UVRAG: variants seen among roughly 807,000 people sequenced by gnomAD.
The protein encoded by UVRAG is UV radiation resistance-associated gene protein.
A neutral mutation model predicts 78.0 loss-of-function variants in UVRAG; 19 were observed. The ratio of observed to expected loss-of-function variants is 0.24; its 90% CI spans 0.17 to 0.36. The LOEUF (loss-of-function observed/expected upper bound fraction) is 0.36. Ranked by LOEUF, UVRAG falls within the 10% of genes least tolerant of loss-of-function variation. The pLI is 1.00. For synonymous variants in UVRAG, 323 were observed against 324.6 expected, an observed-to-expected ratio of 1.00 and a Z score of 0.05; for missense variants, 740 against 853.8, an observed-to-expected ratio of 0.87 and a Z score of 1.66.
chr11:76,057,623 C>T (rs139203323), intron 12 of UVRAG, among the ~76,000 whole-genome samples: 50 of 152,190 alleles, frequency 3.3e-4, no homozygotes, highest in African/African-American at 1.1e-3. Flanking sequence ...TTCCATCTCA[C>T]GTGCCTATGG....
At chr11:75,824,720 CTGGAG>C (rs562164199) in intron 1 of UVRAG, among the ~76,000 whole-genome samples, 1,556 of 138,720 alleles carry the variant, frequency 0.011, 29 homozygotes, top group African/African-American at 0.041. Flanking sequence ...GTCGCCCAGG[CTGGAG>C]TGCAGTGGCA....
chr11:76,003,299 T>C (rs558902186), intron 8 of UVRAG, among the ~76,000 whole-genome samples: 17 of 127,444 alleles, frequency 1.3e-4, no homozygotes, highest in Middle Eastern at 4.1e-3. Context: ...GGAGACAGAG[T>C]CTCGTTCTCT....
At chr11:76,004,693 G>A (rs749260807) in intron 9 of UVRAG, among the ~76,000 whole-genome samples, 11 of 151,830 alleles carry the variant, frequency 7.2e-5, no homozygotes, top group Non-Finnish European at 1.5e-4. Context: ...TGGTGCAGTC[G>A]TAGCTCACTA....
intron 8 of UVRAG, among the ~76,000 whole-genome samples, chr11:75,996,003 A>T (rs1198736771): frequency 6.6e-6 from 1 of 152,044 alleles, no homozygotes; most frequent in Non-Finnish European, 1.5e-5. Context: ...ATTTTGGGGG[A>T]AGAGGTAGGT....
intron 13 of UVRAG, among the ~76,000 whole-genome samples, chr11:76,068,079 A>G (rs1019695766): frequency 2.6e-5 from 4 of 152,184 alleles, no homozygotes; most frequent in African/African-American, 9.7e-5. Flanking sequence ...CAATATGCAC[A>G]TGTGTACAGA....
chr11:75,963,980 G>C (rs1948963349), intron 7 of UVRAG, among the ~76,000 whole-genome samples: 1 of 152,068 alleles, frequency 6.6e-6, no homozygotes, highest in Non-Finnish European at 1.5e-5. Context: ...GATTTTGTCA[G>C]ATTCCTTTCC....
intron 1 of UVRAG, among the ~76,000 whole-genome samples, chr11:75,846,471 A>C (rs1946035852): frequency 6.6e-6 from 1 of 152,214 alleles, no homozygotes; most frequent in Admixed American, 6.5e-5. Context: ...TCACAAACCC[A>C]AGATCACCAA....
At chr11:75,989,844 G>C (rs1252555532) in intron 8 of UVRAG, among the ~76,000 whole-genome samples, 1 of 152,184 alleles carries the variant, frequency 6.6e-6, no homozygotes, top group East Asian at 1.9e-4. Context: ...CCTTCTCAGT[G>C]CCCAACACTG....
chr11:75,964,175 T>G (rs1447153997), intron 7 of UVRAG, among the ~76,000 whole-genome samples: 5 of 152,250 alleles, frequency 3.3e-5, no homozygotes, highest in Admixed American at 3.3e-4. Context: ...ATTGTGCATA[T>G]GTATTTATAA....
intron 1 of UVRAG, among the ~76,000 whole-genome samples, chr11:75,817,437 T>G (rs1945283473): frequency 6.6e-6 from 1 of 152,188 alleles, no homozygotes; most frequent in Admixed American, 6.5e-5. Context: ...TTTGGATTGG[T>G]GCCGAGGGAT....
At chr11:75,954,249 T>C (rs1948754716) in intron 6 of UVRAG, among the ~76,000 whole-genome samples, 1 of 152,178 alleles carries the variant, frequency 6.6e-6, no homozygotes, top group African/African-American at 2.4e-5. Flanking sequence ...TAAGGTAAGA[T>C]CAGAAAGCGT....
intron 1 of UVRAG, among the ~76,000 whole-genome samples, chr11:75,817,548 A>G (rs1446370205): frequency 6.6e-6 from 1 of 152,196 alleles, no homozygotes. Flanking sequence ...AAGGCAGCCT[A>G]TATAACAAAG....
At chr11:75,835,421 A>G (rs1945755221) in intron 1 of UVRAG, 2 of 152,262 alleles carry the variant, frequency 1.3e-5, no homozygotes, top group Admixed American at 6.5e-5. Flanking sequence ...AGTGGGAAGA[A>G]CTCAAGTTAG....
rs547398920 is a variant in UVRAG at position 76,098,768 on chromosome 11, T to C, written c.1306-17156T>C. Among the ~76,000 whole-genome samples the C allele has an allele frequency of 6.6e-5, 10 of 152,286 alleles. 1 individual carries two copies. The East Asian group carries it at 1.9e-3, about 29-fold the overall frequency. On this transcript the variant is annotated intron_variant, in intron 13 of 14. Transcript: ENST00000356136. Reference sequence around the variant, plus strand: ...AATTTTAATACACCTAAAACAAATTTATGCTGATTTTTTTCGTACCCCCAA... The same window carrying C: ...AATTTTAATACACCTAAAACAAATTCATGCTGATTTTTTTCGTACCCCCAA...
At chr11:75,943,521 T>C (rs1948527347) in intron 6 of UVRAG, among the ~76,000 whole-genome samples, 1 of 152,176 alleles carries the variant, frequency 6.6e-6, no homozygotes. Context: ...AAATTTGGAA[T>C]GATTTAGCTT....
chr11:76,143,714 A>G lies in UVRAG; in HGVS notation c.*2301A>G, dbSNP rs1415358962. On this transcript the variant is annotated 3_prime_UTR_variant, in exon 15 of 15. Transcript: ENST00000356136. The stretch of plus-strand genomic sequence containing the variant: ...ATGGGATTACCCGTCTCCTGGAATA[A>G]CTGTTTGACGTTTTCCAAAGTTGTA... 6.6e-6 allele frequency among the ~76,000 whole-genome samples: 1 copy of G among 152,194 alleles called. No homozygotes were observed. Among genetic ancestry groups the G allele is most frequent in the Non-Finnish European group, 1.5e-5 (1 of 68,032 alleles).
At chr11:76,063,520 A>G (rs563083889) in intron 12 of UVRAG, among the ~76,000 whole-genome samples, 2 of 152,324 alleles carry the variant, frequency 1.3e-5, no homozygotes, top group Non-Finnish European at 2.9e-5. Flanking sequence ...TCTACTATTT[A>G]TAGAAAGAGC....
At chr11:76,130,926 G>T (rs1306444448) in intron 14 of UVRAG, among the ~76,000 whole-genome samples, 2 of 150,804 alleles carry the variant, frequency 1.3e-5, no homozygotes, top group Non-Finnish European at 2.9e-5. Context: ...AGAGGTTTTG[G>T]GTTTTTTTGT....
intron 7 of UVRAG, among the ~76,000 whole-genome samples, chr11:75,974,134 C>A (rs10899150): frequency 0.37 from 56,253 of 152,004 alleles, 12,671 homozygotes; most frequent in Non-Finnish European, 0.5. Flanking sequence ...TGCCACCTGT[C>A]TTCCACAATG....
Sources: gnomAD v4.1 joint callset for allele counts (sites outside exome capture counted in the v4.1 genomes callset) on GRCh38, gnomAD v4.1.1 for gene constraint, MANE v1.5 for transcripts, NCBI Gene and HGNC (gene_info 2026-07-23, HGNC 2026-07-21) for gene names.